LIMCH1: variants seen among roughly 807,000 people sequenced by gnomAD.
LIMCH1 encodes LIM and calponin homology domains-containing protein 1.
A neutral mutation model predicts 176.5 loss-of-function variants in LIMCH1; 113 were observed. That is an observed-to-expected ratio of 0.64 (90% confidence interval 0.55 to 0.75). LIMCH1 has a LOEUF of 0.75. LIMCH1 is among the 30% of genes least tolerant of loss of function. The pLI is 0.00. For synonymous variants in LIMCH1, 619 were observed against 645.9 expected (o/e 0.96, Z 0.63); for missense variants, 1,674 against 1,814.9 (o/e 0.92, Z 1.41).
At chr4:41,684,209 A>G (rs1033026388) in intron 26 of LIMCH1, among the ~76,000 whole-genome samples, 188 bp from the exon 27 acceptor site, 1 of 152,232 alleles carries the variant, frequency 6.6e-6, no homozygotes. Context: ...TGAGCTTGTT[A>G]AATGGGTGGA....
chr4:41,620,238 G>A (rs926734504), intron 6 of LIMCH1, 186 bp from the exon 7 acceptor site: 7 of 589,518 alleles, frequency 1.2e-5, no homozygotes, highest in African/African-American at 1.9e-5. Flanking sequence ...TCAATGTTGC[G>A]GGTATGATGC....
intron 6 of LIMCH1, 195 bp downstream of exon 6, chr4:41,619,635 G>A (rs1305168785): frequency 1.5e-6 from 1 of 666,362 alleles, no homozygotes; most frequent in Non-Finnish European, 2.5e-6. Context: ...GCCTAGAACA[G>A]TGCCTGGCAC....
chr4:41,516,523 A>G (rs1469893873), intron 2 of LIMCH1, among the ~76,000 whole-genome samples: 1 of 152,066 alleles, frequency 6.6e-6, no homozygotes, highest in Non-Finnish European at 1.5e-5. Context: ...CCTTATCTAG[A>G]TTATTTGATT....
intron 1 of LIMCH1, among the ~76,000 whole-genome samples, chr4:41,572,990 A>G (rs1330970243): frequency 6.6e-6 from 1 of 152,250 alleles, no homozygotes; most frequent in Non-Finnish European, 1.5e-5. Context: ...ATTAGGGGTT[A>G]TGTAGATAAG....
chr4:41,602,048 C>T (rs2090004615), intron 2 of LIMCH1, among the ~76,000 whole-genome samples: 1 of 139,070 alleles, frequency 7.2e-6, no homozygotes, highest in African/African-American at 2.6e-5. Context: ...ATTTAGCTTT[C>T]ATGATAGGCA....
intron 1 of LIMCH1, among the ~76,000 whole-genome samples, chr4:41,553,855 A>G (rs1224472436): frequency 6.6e-6 from 1 of 152,142 alleles, no homozygotes; most frequent in Non-Finnish European, 1.5e-5. Context: ...TTGCATACCT[A>G]CTATGCACCA....
chr4:41,369,729 A>G (rs1383013642), intron 1 of LIMCH1, among the ~76,000 whole-genome samples: 1 of 151,468 alleles, frequency 6.6e-6, no homozygotes, highest in East Asian at 1.9e-4. Context: ...TGAACCCCAG[A>G]GCCCTGTGGC....
At chr4:41,411,861 G>A (rs181359549) in intron 1 of LIMCH1, among the ~76,000 whole-genome samples, 2 of 147,648 alleles carry the variant, frequency 1.4e-5, no homozygotes, top group Admixed American at 1.4e-4. Flanking sequence ...GGGAGGTTGA[G>A]GCAGAAGAAT....
intron 20 of LIMCH1, among the ~76,000 whole-genome samples, chr4:41,664,701 A>G (rs2094761176): frequency 1.3e-5 from 2 of 152,202 alleles, no homozygotes; most frequent in African/African-American, 4.8e-5. Context: ...AACAGAATGA[A>G]TACCCTAAGT....
intron 1 of LIMCH1, among the ~76,000 whole-genome samples, chr4:41,573,384 T>C (rs1259366099): frequency 6.6e-6 from 1 of 152,232 alleles, no homozygotes; most frequent in Non-Finnish European, 1.5e-5. Context: ...TGCATAGCAG[T>C]CCACTCAGAG....
At chr4:41,457,352 A>AT (rs2064741463) in intron 1 of LIMCH1, among the ~76,000 whole-genome samples, 1 of 152,064 alleles carries the variant, frequency 6.6e-6, no homozygotes, top group Admixed American at 6.6e-5. Context: ...ATGGATTGAT[A>AT]TTTTTATATA....
At chr4:41,505,061 G>C (rs1298976545) in intron 2 of LIMCH1, among the ~76,000 whole-genome samples, 1 of 152,156 alleles carries the variant, frequency 6.6e-6, no homozygotes, top group Non-Finnish European at 1.5e-5. Flanking sequence ...AGGATAAAAT[G>C]AATTGAAAAT....
intron 8 of LIMCH1, among the ~76,000 whole-genome samples, chr4:41,627,500 C>T (rs1204227483): frequency 6.6e-6 from 1 of 152,202 alleles, no homozygotes; most frequent in African/African-American, 2.4e-5. Context: ...CTTGTTCTTT[C>T]TTCTGTCACA....
In LIMCH1 at chr4:41,487,290, T is replaced by C. The variant is rs1034116020; in HGVS notation, c.97-7246T>C. Among the ~76,000 whole-genome samples, 12 of 152,174 alleles carry C rather than the reference T, an allele frequency of 7.9e-5. No individual in the cohort carries two copies. In the East Asian group the frequency reaches 2.1e-3, roughly 27 times the overall value. On this transcript the variant is annotated intron_variant, in intron 1 of 26. Coordinates refer to the LIMCH1 transcript ENST00000313860. The stretch of plus-strand genomic sequence containing the variant: ...CAGCTGTTGATCCTCCTAACAAAGA[T>C]CCAAGTGCATCTATCCTAAATAGAT...
In LIMCH1 at chr4:41,401,385, A is replaced by G. The variant is rs1232080277; in HGVS notation, c.96+40449A>G. On this transcript the variant is annotated intron_variant, in intron 1 of 26. Coordinates refer to the LIMCH1 transcript ENST00000313860. The stretch of plus-strand genomic sequence containing the variant: ...CTGAGGGCTCTGTTCTGTTCCATTG[A>G]TCTATATCTCTGTTTTGATACCAGT... Among the ~76,000 whole-genome samples the G allele has an allele frequency of 9.2e-5, 14 of 152,078 alleles. No individual in the cohort carries two copies. In the South Asian group the frequency reaches 2.5e-3, roughly 27 times the overall value.
chr4:41,631,618 G>C, intron 10 of LIMCH1, 141 bp downstream of exon 10: 5 of 681,894 alleles, frequency 7.3e-6, no homozygotes, highest in Non-Finnish European at 1.1e-5. Context: ...TAATGTTAGC[G>C]GGTCCCCCTG....
At chr4:41,449,250 T>A (rs1561406312) in intron 1 of LIMCH1, among the ~76,000 whole-genome samples, 1 of 152,018 alleles carries the variant, frequency 6.6e-6, no homozygotes, top group Non-Finnish European at 1.5e-5. Flanking sequence ...TCTCTCCCGA[T>A]GACACCCCAC....
upstream of LIMCH1, among the ~76,000 whole-genome samples, chr4:41,535,908 G>A (rs994429385): frequency 1.8e-4 from 27 of 150,118 alleles, no homozygotes; most frequent in Admixed American, 5.3e-4. Flanking sequence ...TCCTGTTCCC[G>A]AAAAAACAAA....
intron 1 of LIMCH1, among the ~76,000 whole-genome samples, chr4:41,390,534 G>T (rs1277458765): frequency 4.6e-5 from 7 of 152,132 alleles, no homozygotes; most frequent in Admixed American, 1.3e-4. Context: ...ATTTAGCAAA[G>T]AAAAATACAT....
Sources: gnomAD v4.1 joint callset for allele counts (sites outside exome capture counted in the v4.1 genomes callset) on GRCh38, gnomAD v4.1.1 for gene constraint, MANE v1.5 for transcripts, NCBI Gene and HGNC (gene_info 2026-07-23, HGNC 2026-07-21) for gene names.